LRP5: variants seen among roughly 807,000 people sequenced by gnomAD.
The protein encoded by LRP5 is low-density lipoprotein receptor-related protein 5.
LRP5 carries 62 observed loss-of-function variants against 154.1 expected under a neutral mutation model. That is an observed-to-expected ratio of 0.40 (90% confidence interval 0.33 to 0.50). LRP5 has a LOEUF of 0.50. Ranked by LOEUF, LRP5 falls within the 20% of genes least tolerant of loss-of-function variation. The pLI is 0.55. For missense variants in LRP5, 1,915 were observed against 2,336.7 expected, an observed-to-expected ratio of 0.82 and a Z score of 3.72; for synonymous variants, 966 against 1,011.5, an observed-to-expected ratio of 0.96 and a Z score of 0.85.
At chr11:68,383,256 G>A (rs1171511594) in intron 5 of LRP5, among the ~76,000 whole-genome samples, 2 of 152,144 alleles carry the variant, frequency 1.3e-5, no homozygotes, top group Non-Finnish European at 2.9e-5. Flanking sequence ...ATCAAGTGCC[G>A]GTTTCTGTCT....
At chr11:68,431,666 G>C (rs2098671980) in intron 17 of LRP5, among the ~76,000 whole-genome samples, 1 of 152,196 alleles carries the variant, frequency 6.6e-6, no homozygotes, top group Admixed American at 6.5e-5. Flanking sequence ...GGGACATTTT[G>C]TGACTGTCCC....
Position 68,386,561 on chromosome 11 carries a change from A to G in LRP5, c.1261A>G (p.Ile421Val). Residue 421 changes from isoleucine to valine, a missense_variant, in exon 6 of 23, where the codon ATC becomes GTC. By Grantham distance (29) the Ile-to-Val change is conservative. Transcript: ENST00000294304. The surrounding 1 kb of genome is among the most constrained non-coding windows in gnomAD (Gnocchi z 7.9). ...CACCGAGATCAACGACCCCGATGGC[A>G]TCGCGGTCGACTGGGTGGCCCGAAA... ...VNTEINDPDG[I>V]AVDWVARNLY... The G allele has an allele frequency of 6.2e-7, 1 of 1,613,852 alleles. No individual in the cohort carries two copies. Among genetic ancestry groups the G allele is most frequent in the Non-Finnish European group, 8.5e-7 (1 of 1,179,954 alleles).
At chr11:68,358,241 G>A (rs1591220401) in intron 3 of LRP5, among the ~76,000 whole-genome samples, 3 of 151,848 alleles carry the variant, frequency 2.0e-5, no homozygotes, top group South Asian at 2.1e-4. Context: ...TCAGCCTCCC[G>A]AGTAGCTGGG....
chr11:68,309,080 C>T (rs564005593), upstream of LRP5, among the ~76,000 whole-genome samples: 12 of 151,748 alleles, frequency 7.9e-5, no homozygotes, highest in East Asian at 2.1e-3. Context: ...ACTACAGGTG[C>T]CCGCCACCAC....
At chr11:68,332,587 G>A (rs1330544514) in intron 1 of LRP5, among the ~76,000 whole-genome samples, 1 of 152,236 alleles carries the variant, frequency 6.6e-6, no homozygotes, top group East Asian at 1.9e-4. Context: ...ATTCAGCCAA[G>A]TATTCATCAG....
chr11:68,380,049 C>T lies in LRP5; in HGVS notation c.1016-6267C>T, dbSNP rs374463550. 1.3e-3 allele frequency among the ~76,000 whole-genome samples: 192 copies of T among 152,328 alleles called. 2 individuals are homozygous for T. Among genetic ancestry groups the T allele is most frequent in the African/African-American group, 4.5e-3 (187 of 41,580 alleles). On this transcript the variant is annotated intron_variant, in intron 5 of 22. Transcript: ENST00000294304. Reference sequence around the variant, plus strand: ...TCAGGAGGCTGAGGCAGGAGAATGGCGTGAACCTGGGAGGCAGAGGTTACA... The same window carrying T: ...TCAGGAGGCTGAGGCAGGAGAATGGTGTGAACCTGGGAGGCAGAGGTTACA...
chr11:68,409,057 A>G (rs1591291658), intron 9 of LRP5, among the ~76,000 whole-genome samples: 3 of 5,702 alleles, frequency 5.3e-4, no homozygotes, highest in East Asian at 5.9e-3. Context: ...TGGGGAAAAA[A>G]AAAAAAAAAA....
At chr11:68,394,626 C>T (rs371266974) in intron 7 of LRP5, among the ~76,000 whole-genome samples, 5 of 152,148 alleles carry the variant, frequency 3.3e-5, no homozygotes, top group African/African-American at 7.2e-5. Context: ...CCACCGCGCC[C>T]GGCTAATTTT....
rs2098682268 is a variant in LRP5, at chr11:68,447,816, CTG to C, written c.4587-992_4587-991del. Among the ~76,000 whole-genome samples, 1 of 152,184 alleles carries C rather than the reference CTG, an allele frequency of 6.6e-6. No individual in the cohort carries two copies. Among genetic ancestry groups the C allele is most frequent in the African/African-American group, 2.4e-5 (1 of 41,450 alleles). Reference sequence around the variant, plus strand: ...TCCTAAACACACCACAGTTCCGAGTCTGAACTCACACAGTGGGATGCGGCGTT... The same window carrying C: ...TCCTAAACACACCACAGTTCCGAGTCAACTCACACAGTGGGATGCGGCGTT... On this transcript the variant is annotated intron_variant, in intron 22 of 22. Transcript: ENST00000294304. The surrounding 1 kb of genome is among the most constrained non-coding windows in gnomAD (Gnocchi z 4.3).
chr11:68,315,931 TG>T (rs1044607409), intron 1 of LRP5, among the ~76,000 whole-genome samples: 14 of 152,234 alleles, frequency 9.2e-5, no homozygotes, highest in South Asian at 2.1e-4. Flanking sequence ...GGTGTCGAGT[TG>T]TTTTTTTTTT....
At chr11:68,366,150 C>T (rs2098630960) in intron 5 of LRP5, among the ~76,000 whole-genome samples, 1 of 152,144 alleles carries the variant, frequency 6.6e-6, no homozygotes, top group African/African-American at 2.4e-5. Flanking sequence ...CCAGTCTGGC[C>T]TCTGGGGCTG....
At chr11:68,384,977 C>T (rs1355452965) in intron 5 of LRP5, among the ~76,000 whole-genome samples, 1 of 152,178 alleles carries the variant, frequency 6.6e-6, no homozygotes, top group East Asian at 1.9e-4. Context: ...ACGGAGGGAG[C>T]CTGAGTTAAG....
chr11:68,320,402 A>G (rs2098596068), intron 1 of LRP5, among the ~76,000 whole-genome samples: 1 of 149,080 alleles, frequency 6.7e-6, no homozygotes, highest in Admixed American at 6.7e-5. Flanking sequence ...AATTGCCTAC[A>G]CTTATCCTTG....
intron 9 of LRP5, 64 bp from the exon 10 acceptor site, chr11:68,409,850 C>CAA (rs371789773): frequency 1.8e-3 from 2,042 of 1,120,908 alleles, no homozygotes; most frequent in Non-Finnish European, 2.2e-3. Flanking sequence ...AACTCCGTCT[C>CAA]AAAAAAAAAA....
chr11:68,405,702 A>G lies in LRP5; in HGVS notation c.1802-822A>G, dbSNP rs143574046. On this transcript the variant is annotated intron_variant, in intron 8 of 22. Transcript: ENST00000294304. ...TTTTTTGGCTGAAATATTTAACACT[A>G]AATTAAAGCCAATTTTAACAGCACT... is the stretch of plus-strand genomic sequence containing the variant. Among the ~76,000 whole-genome samples, 5 of 152,362 alleles carry G rather than the reference A, an allele frequency of 3.3e-5. No homozygotes were observed. In the East Asian group the frequency reaches 9.6e-4, roughly 29 times the overall value.
Position 68,312,742 on chromosome 11 carries a change from T to G in LRP5, c.28T>G (p.Trp10Gly). Residue 10 changes from tryptophan to glycine, a missense_variant, in exon 1 of 23, where the codon TGG (tryptophan) becomes GGG (glycine). Around this residue, in one of 3 missense-constraint regions of LRP5, gnomAD observed 48 missense variants for 25.7 expected, o/e 1.87. Transcript: ENST00000294304. ...GGAGGCAGCGCCGCCCGGGCCGCCG[T>G]GGCCGCTGCTGCTGCTGCTGCTGCT... MEAAPPGPP[W>G]PLLLLLLLLL... is the part of the protein sequence containing the mutation. 9.4e-7 allele frequency: 1 copy of G among 1,059,278 alleles called. No individual in the cohort carries two copies. Among genetic ancestry groups the G allele is most frequent in the Non-Finnish European group, 1.1e-6 (1 of 877,628 alleles). The allele number at this position is 1,059,278 out of a possible 1,614,324, so 65.6% of individuals were successfully genotyped here.
At chr11:68,385,997 G>A (rs528576981) in intron 5 of LRP5, among the ~76,000 whole-genome samples, 1 of 152,268 alleles carries the variant, frequency 6.6e-6, no homozygotes, top group South Asian at 2.1e-4. Flanking sequence ...AAGGGGGACT[G>A]TGAGGCAGCT....
chr11:68,381,909 TG>T (rs1233308013), intron 5 of LRP5, among the ~76,000 whole-genome samples: 1 of 152,222 alleles, frequency 6.6e-6, no homozygotes, highest in African/African-American at 2.4e-5. Context: ...GCACCAGCCT[TG>T]GCAGGGCTGT....
intron 20 of LRP5, 145 bp downstream of exon 20, chr11:68,438,827 C>T (rs2098676538): frequency 2.7e-6 from 2 of 743,430 alleles, no homozygotes; most frequent in Admixed American, 5.2e-5. Flanking sequence ...TCAGCCTTTC[C>T]CACTGAGCCT....
Sources: gnomAD v4.1 joint callset for allele counts (sites outside exome capture counted in the v4.1 genomes callset) on GRCh38, gnomAD v4.1.1 for gene constraint, gnomAD v4.1.1 regional missense constraint, Gnocchi (gnomAD v3.1) non-coding constraint, MANE v1.5 for transcripts, NCBI Gene and HGNC (gene_info 2026-07-23, HGNC 2026-07-21) for gene names.